Variants in PHLPP1 observed in about 807,000 individuals in gnomAD.
PHLPP1 encodes the protein PH domain leucine-rich repeat-containing protein phosphatase 1.
PHLPP1 carries 42 observed loss-of-function variants against 117.2 expected under a neutral mutation model. The ratio of observed to expected loss-of-function variants is 0.36; its 90% CI spans 0.28 to 0.46. The LOEUF is 0.46. Ranked by LOEUF, PHLPP1 falls within the 20% of genes least tolerant of loss-of-function variation. The probability of loss-of-function intolerance (pLI) is 1.00; values close to 1 mark genes in which losing one functional copy is unlikely to be tolerated. For missense variants in PHLPP1, 2,084 were observed against 2,241.9 expected (o/e 0.93, Z 1.42); for synonymous variants, 1,042 against 970.7 (o/e 1.07, Z -1.37).
Position 62,895,914 on chromosome 18 carries a change from A to C in PHLPP1, c.2347A>C (p.Thr783Pro), listed in dbSNP as rs753526932. ...CATTCCCGAAGTATTGGAGAAATTG[A>C]CTGCTGTGGATAAACTTTGTATGTC... is the stretch of plus-strand genomic sequence containing the variant. Reference protein sequence around the residue: ...TDIPEVLEKLTAVDKLCMSGN... With the variant: ...TDIPEVLEKLPAVDKLCMSGN... The change falls in exon 6 of 17, where the codon ACT becomes CCT. Residue 783 changes from threonine (T) to proline (P), a missense_variant. Thr to Pro is a conservative substitution (Grantham distance 38). Coordinates refer to ENST00000262719, the MANE Select transcript of PHLPP1 (RefSeq NM_194449.4). 3 of 1,613,672 alleles carry C rather than the reference A, an allele frequency of 1.9e-6. No homozygotes were observed. In the East Asian group the frequency reaches 6.7e-5, roughly 36 times the overall value.
chr18:62,881,885 A>G (rs193010702), intron 4 of PHLPP1, among the ~76,000 whole-genome samples: 311 of 152,346 alleles, frequency 2.0e-3, no homozygotes, highest in African/African-American at 7.2e-3. Flanking sequence ...TGAAAGCCAA[A>G]AGGAGTTGAG....
At chr18:62,884,277 A>G (rs1309850078) in intron 4 of PHLPP1, among the ~76,000 whole-genome samples, 1 of 152,234 alleles carries the variant, frequency 6.6e-6, no homozygotes, top group African/African-American at 2.4e-5. Flanking sequence ...TAAGGAGGAA[A>G]AGCTTTGGAA....
Position 62,885,964 on chromosome 18 carries a change from T to C in PHLPP1, c.2067-9047T>C, listed in dbSNP as rs1416352997. Among the ~76,000 whole-genome samples the C allele has an allele frequency of 2.6e-5, 4 of 152,154 alleles. No individual in the cohort carries two copies. The South Asian group carries it at 8.3e-4, about 32-fold the overall frequency. On this transcript the variant is annotated intron_variant, in intron 4 of 16. Transcript: ENST00000262719. ...ATTGCTCTATTCTCTCAATAGCAGTTTGAAGTTGTGTGCTGTTCTGTCTCT... is the reference window on the plus strand; with the variant it reads ...ATTGCTCTATTCTCTCAATAGCAGTCTGAAGTTGTGTGCTGTTCTGTCTCT...
chr18:62,766,892 A>C (rs1912557146), intron 1 of PHLPP1, among the ~76,000 whole-genome samples: 1 of 152,182 alleles, frequency 6.6e-6, no homozygotes, highest in South Asian at 2.1e-4. Context: ...ACAAATTTAA[A>C]ATGAGAAGTT....
intron 1 of PHLPP1, among the ~76,000 whole-genome samples, chr18:62,761,324 A>G (rs1002315911): frequency 6.6e-6 from 1 of 152,066 alleles, no homozygotes; most frequent in East Asian, 1.9e-4. Context: ...TGTTAAAAGA[A>G]TATGGTTTAT....
intron 1 of PHLPP1, among the ~76,000 whole-genome samples, chr18:62,734,427 A>G (rs1911312271): frequency 6.6e-6 from 1 of 152,232 alleles, no homozygotes; most frequent in Non-Finnish European, 1.5e-5. Flanking sequence ...TCTTTTATCC[A>G]TGGCTGTAAA....
At chr18:62,958,838 A>C (rs1910693062) in intron 13 of PHLPP1, 79 bp downstream of exon 13, 1 of 1,503,282 alleles carries the variant, frequency 6.7e-7, no homozygotes, top group Admixed American at 1.8e-5. Context: ...AATGGGAAAC[A>C]AAATATGAAG....
At chr18:62,962,409 G>A (rs183917570) in intron 13 of PHLPP1, among the ~76,000 whole-genome samples, 1 of 152,318 alleles carries the variant, frequency 6.6e-6, no homozygotes, top group African/African-American at 2.4e-5. Context: ...CCGAGTTCAA[G>A]TGATCCTCCT....
intron 4 of PHLPP1, among the ~76,000 whole-genome samples, chr18:62,882,347 C>T (rs1033645984): frequency 1.3e-5 from 2 of 151,616 alleles, no homozygotes; most frequent in African/African-American, 2.4e-5. Flanking sequence ...CAGCTCACTG[C>T]AAGCTCTGCC....
At chr18:62,771,002 T>TGA (rs1599038552) in intron 1 of PHLPP1, among the ~76,000 whole-genome samples, 1 of 152,100 alleles carries the variant, frequency 6.6e-6, no homozygotes. Flanking sequence ...GTGGATCACC[T>TGA]GAGGTCAGGA....
intron 10 of PHLPP1, among the ~76,000 whole-genome samples, chr18:62,929,794 T>C (rs1909754479): frequency 6.6e-6 from 1 of 151,934 alleles, no homozygotes; most frequent in Admixed American, 6.6e-5. Flanking sequence ...CAAAGAATTT[T>C]TAAAATTAGC....
At chr18:62,740,205 A>G (rs1911483774) in intron 1 of PHLPP1, among the ~76,000 whole-genome samples, 1 of 152,220 alleles carries the variant, frequency 6.6e-6, no homozygotes, top group African/African-American at 2.4e-5. Flanking sequence ...CAGGATGTTC[A>G]GAAGCCTTCA....
At chr18:62,796,589 A>G (rs1056138996) in intron 1 of PHLPP1, among the ~76,000 whole-genome samples, 15 of 152,206 alleles carry the variant, frequency 9.9e-5, no homozygotes, top group Admixed American at 3.3e-4. Flanking sequence ...GCCGAACTTT[A>G]CAGATGGAAG....
chr18:62,715,827 C>T lies in PHLPP1; in HGVS notation c.144C>T (p.Gly48=). The change falls in exon 1 of 17, where the codon GGC becomes GGT. Residue 48 remains glycine (G), a synonymous_variant. Coordinates refer to ENST00000262719, the MANE Select transcript of PHLPP1 (RefSeq NM_194449.4). ...CTCTGGCGGCGGCGGCCGGGGGCGGCCGGAGTCCGGAGCCCGCGCTGACCC... is the reference window on the plus strand; with the variant it reads ...CTCTGGCGGCGGCGGCCGGGGGCGGTCGGAGTCCGGAGCCCGCGCTGACCC... ...AAALAAAAGG[G]RSPEPALTPA... The T allele has an allele frequency of 2.7e-6, 2 of 750,774 alleles. No individual in the cohort carries two copies. Among genetic ancestry groups the T allele is most frequent in the Non-Finnish European group, 3.3e-6 (2 of 614,126 alleles). The allele number at this position is 750,774 out of a possible 1,614,324, so 46.5% of individuals were successfully genotyped here. A position where few individuals can be genotyped will look rare whatever the true frequency, so the allele number is the denominator to read the frequency against.
At chr18:62,749,335 C>T (rs183036615) in intron 1 of PHLPP1, among the ~76,000 whole-genome samples, 1 of 151,828 alleles carries the variant, frequency 6.6e-6, no homozygotes, top group African/African-American at 2.4e-5. Flanking sequence ...TACCTACTTG[C>T]AAAAAGAATT....
chr18:62,931,555 C>A, intron 10 of PHLPP1, among the ~76,000 whole-genome samples: 1 of 147,444 alleles, frequency 6.8e-6, no homozygotes. Context: ...AAAGTTGGTT[C>A]TTTGAAAGGA....
intron 1 of PHLPP1, among the ~76,000 whole-genome samples, chr18:62,774,129 A>G (rs1440607721): frequency 6.6e-6 from 1 of 152,172 alleles, no homozygotes; most frequent in Non-Finnish European, 1.5e-5. Flanking sequence ...TGATATATGT[A>G]CTGATTCATT....
At chr18:62,724,487 A>G (rs999779894) in intron 1 of PHLPP1, among the ~76,000 whole-genome samples, 5 of 152,350 alleles carry the variant, frequency 3.3e-5, no homozygotes, top group African/African-American at 1.2e-4. Flanking sequence ...GTATTTTTAT[A>G]GATGAGAAAA....
intron 12 of PHLPP1, among the ~76,000 whole-genome samples, chr18:62,958,406 G>A (rs1273637750): frequency 6.6e-6 from 1 of 152,136 alleles, no homozygotes; most frequent in East Asian, 1.9e-4. Flanking sequence ...AAAGAACATG[G>A]ATTTTCTGTT....
Sources: allele counts gnomAD v4.1 joint callset (sites outside exome capture counted in the v4.1 genomes callset), GRCh38; gene constraint gnomAD v4.1.1; transcripts MANE v1.5; gene names NCBI Gene and HGNC (gene_info 2026-07-23, HGNC 2026-07-21).